Variants in ITFG1 observed in about 807,000 individuals in gnomAD.
ITFG1 encodes the protein T-cell immunomodulatory protein.
In ITFG1, 34 loss-of-function variants were observed where a neutral mutation model predicts 81.8. The observed-to-expected ratio is 0.42, with a 90% CI of 0.32 to 0.55. The LOEUF (loss-of-function observed/expected upper bound fraction) is 0.55. Among genes scored for constraint, ITFG1 ranks in the 20% least tolerant of loss-of-function variants. ITFG1 has a pLI of 0.17. For synonymous variants in ITFG1, 285 were observed against 270.6 expected (o/e 1.05, Z -0.52); for missense variants, 672 against 755.4 (o/e 0.89, Z 1.29).
At chr16:47,422,498 G>A (rs150350679) in intron 6 of ITFG1, among the ~76,000 whole-genome samples, 108 of 152,254 alleles carry the variant, frequency 7.1e-4, no homozygotes, top group Non-Finnish European at 9.4e-4. Context: ...GGATGATGCT[G>A]GCCTTATAAA....
At chr16:47,166,800 TTTCA>T (rs1269053657) in intron 14 of ITFG1, among the ~76,000 whole-genome samples, 19 of 47,944 alleles carry the variant, frequency 4.0e-4, no homozygotes, top group Admixed American at 3.7e-3. Flanking sequence ...AATTAGTTTC[TTTCA>T]TTCCTAGATA....
chr16:47,311,048 GA>G (rs577667128), intron 10 of ITFG1, among the ~76,000 whole-genome samples, 191 bp downstream of exon 10: 153 of 133,382 alleles, frequency 1.1e-3, no homozygotes, highest in African/African-American at 2.5e-3. Context: ...ATGAATCTGT[GA>G]AAAAAAAAAA....
chr16:47,235,170 T>C (rs1443735175), intron 13 of ITFG1, among the ~76,000 whole-genome samples: 1 of 152,196 alleles, frequency 6.6e-6, no homozygotes, highest in Non-Finnish European at 1.5e-5. Flanking sequence ...CCCAGTATAC[T>C]AGGCATAGGA....
intron 10 of ITFG1, among the ~76,000 whole-genome samples, chr16:47,277,469 G>A (rs74521134): frequency 0.049 from 7,413 of 152,242 alleles, 285 homozygotes; most frequent in Non-Finnish European, 0.075. Flanking sequence ...GGTAGTGGAT[G>A]CAGAATCCAC....
At chr16:47,182,962 G>A (rs985005206) in intron 14 of ITFG1, among the ~76,000 whole-genome samples, 3 of 152,212 alleles carry the variant, frequency 2.0e-5, no homozygotes, top group South Asian at 4.1e-4. Context: ...CTCGGGAAGC[G>A]CAAGGGGTCA....
chr16:47,268,025 AAAT>A (rs2151544967), intron 10 of ITFG1, among the ~76,000 whole-genome samples: 1 of 152,152 alleles, frequency 6.6e-6, no homozygotes, highest in South Asian at 2.1e-4. Context: ...AGAAAAAAGT[AAAT>A]AATAGTAGAG....
chr16:47,353,788 T>TA (rs777641273), intron 8 of ITFG1, among the ~76,000 whole-genome samples: 2 of 151,990 alleles, frequency 1.3e-5, no homozygotes, highest in Non-Finnish European at 2.9e-5. Flanking sequence ...AAATCCCACT[T>TA]ACAATATTTA....
intron 10 of ITFG1, among the ~76,000 whole-genome samples, chr16:47,265,242 C>T (rs1442131213): frequency 6.7e-6 from 1 of 149,756 alleles, no homozygotes. Flanking sequence ...TTTATGTAGT[C>T]ATTTATGTCT....
intron 12 of ITFG1, among the ~76,000 whole-genome samples, chr16:47,253,621 T>C (rs749358331): frequency 7.9e-5 from 12 of 152,198 alleles, no homozygotes; most frequent in Non-Finnish European, 1.2e-4. Context: ...GGTTTCAGGA[T>C]TGTTCCACCT....
At chr16:47,204,900 A>G (rs1434891705) in intron 14 of ITFG1, among the ~76,000 whole-genome samples, 6 of 152,220 alleles carry the variant, frequency 3.9e-5, no homozygotes, top group Non-Finnish European at 1.5e-5. Flanking sequence ...AGCTTCAATT[A>G]TTAGGCTGTT....
chr16:47,182,135 C>G (rs1475827400), intron 14 of ITFG1, among the ~76,000 whole-genome samples: 2 of 151,390 alleles, frequency 1.3e-5, no homozygotes, highest in East Asian at 1.9e-4. Context: ...GTCCTATGAC[C>G]CTGTCAAATC....
intron 13 of ITFG1, among the ~76,000 whole-genome samples, chr16:47,236,504 C>CCTGCCTTG (rs1965876501): frequency 6.7e-6 from 1 of 149,944 alleles, no homozygotes; most frequent in African/African-American, 2.4e-5. Flanking sequence ...AAAAGTGTCA[C>CCTGCCTTG]CTGCCTTGGC....
At chr16:47,389,680 A>C (rs1435156044) in intron 6 of ITFG1, among the ~76,000 whole-genome samples, 1 of 152,222 alleles carries the variant, frequency 6.6e-6, no homozygotes, top group Non-Finnish European at 1.5e-5. Context: ...ATAGAGCTAT[A>C]AACAAGTGAC....
chr16:47,403,250 T>C (rs1338197488), intron 6 of ITFG1, among the ~76,000 whole-genome samples: 1 of 150,916 alleles, frequency 6.6e-6, no homozygotes, highest in Non-Finnish European at 1.5e-5. Context: ...TTTTTAACTG[T>C]AAGTAAGGAC....
At chr16:47,428,006 T>C (rs1191753852) in intron 6 of ITFG1, among the ~76,000 whole-genome samples, 6 of 152,086 alleles carry the variant, frequency 3.9e-5, no homozygotes, top group Non-Finnish European at 8.8e-5. Flanking sequence ...TAATGGCACA[T>C]GCTTGTAGTC....
At chr16:47,205,911 G>C (rs1277183790) in intron 14 of ITFG1, among the ~76,000 whole-genome samples, 2 of 151,586 alleles carry the variant, frequency 1.3e-5, no homozygotes, top group Non-Finnish European at 2.9e-5. Flanking sequence ...TGTTGCCCAG[G>C]CTGGAGTGCA....
intron 7 of ITFG1, among the ~76,000 whole-genome samples, chr16:47,370,585 C>A (rs1042723514): frequency 5.3e-5 from 8 of 152,234 alleles, no homozygotes; most frequent in African/African-American, 1.9e-4. Flanking sequence ...CACTATGCTC[C>A]CGTTGTCCAA....
At chr16:47,293,330 C>T (rs1032459491) in intron 10 of ITFG1, among the ~76,000 whole-genome samples, 2 of 151,598 alleles carry the variant, frequency 1.3e-5, no homozygotes, top group African/African-American at 2.4e-5. Context: ...GTGCTGGTAT[C>T]GTTTTGGTAT....
intron 8 of ITFG1, among the ~76,000 whole-genome samples, chr16:47,325,736 A>C (rs1376370446): frequency 1.3e-5 from 2 of 152,216 alleles, no homozygotes; most frequent in African/African-American, 4.8e-5. Context: ...GAAATGGATA[A>C]ATTCCTCGAC....
Sources: allele counts gnomAD v4.1 joint callset (sites outside exome capture counted in the v4.1 genomes callset), GRCh38; gene constraint gnomAD v4.1.1; transcripts MANE v1.5; gene names NCBI Gene and HGNC (gene_info 2026-07-23, HGNC 2026-07-21).